COL24A1: variants seen among roughly 807,000 people sequenced by gnomAD.
COL24A1 encodes collagen alpha-1(XXIV) chain.
A neutral mutation model predicts 253.9 loss-of-function variants in COL24A1; 224 were observed. The observed-to-expected ratio is 0.88, with a 90% CI of 0.79 to 0.99. The LOEUF (loss-of-function observed/expected upper bound fraction) is 0.99, where lower values mean the gene tolerates loss of function less well. Ranked by LOEUF, COL24A1 falls within the 50% of genes least tolerant of loss-of-function variation. The pLI, the probability that COL24A1 is intolerant of heterozygous loss-of-function variation, is 0.00. For missense variants in COL24A1, 2,131 were observed against 2,068.5 expected (o/e 1.03, Z -0.59); for synonymous variants, 685 against 673.7 (o/e 1.02, Z -0.26).
At chr1:86,069,046 C>A (rs977043576) in intron 7 of COL24A1, among the ~76,000 whole-genome samples, 6 of 152,134 alleles carry the variant, frequency 3.9e-5, no homozygotes, top group African/African-American at 1.4e-4. Flanking sequence ...TACATTCCAG[C>A]TGTGGTGGTC....
At chr1:85,775,277 T>G (rs1668422088) in intron 53 of COL24A1, among the ~76,000 whole-genome samples, 1 of 152,030 alleles carries the variant, frequency 6.6e-6, no homozygotes, top group Non-Finnish European at 1.5e-5. Context: ...TGCTGAGGAG[T>G]GTTTCACTTC....
At position 86,096,876 on chromosome 1, in the gene COL24A1, A is replaced by C. The variant is rs545906834; in HGVS notation, c.1600-4556T>G. Among the ~76,000 whole-genome samples the C allele has an allele frequency of 2.0e-5, 3 of 152,094 alleles. No individual in the cohort carries two copies. In the South Asian group the frequency reaches 6.2e-4, roughly 32 times the overall value. On this transcript the variant is annotated intron_variant, in intron 5 of 59. Coordinates refer to ENST00000370571, the MANE Select transcript of COL24A1 (RefSeq NM_152890.7). The stretch of plus-strand genomic sequence containing the variant: ...TCCCATTTTTATAGATGATTATTTC[A>C]TAACTCCTTCTCTTTCTTTCCTCTT...
At chr1:85,896,452 C>CG (rs773904658) in intron 28 of COL24A1, 43 bp from the exon 29 acceptor site, 31 of 1,486,012 alleles carry the variant, frequency 2.1e-5, no homozygotes, top group Non-Finnish European at 2.8e-5. Flanking sequence ...TGAAATGTTC[C>CG]TTTTTTTTTC....
At chr1:85,816,674 C>A (rs1673072207) in intron 47 of COL24A1, 114 bp downstream of exon 47, 2 of 803,048 alleles carry the variant, frequency 2.5e-6, no homozygotes, top group Non-Finnish European at 4.3e-6. Flanking sequence ...GAGAAATGAA[C>A]TGGCTTAATC....
At chr1:86,118,378 A>C (rs1371960066) in intron 3 of COL24A1, among the ~76,000 whole-genome samples, 1 of 152,142 alleles carries the variant, frequency 6.6e-6, no homozygotes, top group Non-Finnish European at 1.5e-5. Flanking sequence ...AACTTTTTTA[A>C]GGTATGCATA....
chr1:86,028,617 T>G (rs1698265213), intron 14 of COL24A1, among the ~76,000 whole-genome samples: 1 of 152,234 alleles, frequency 6.6e-6, no homozygotes, highest in South Asian at 2.1e-4. Context: ...CCTTTATAAA[T>G]TACGCAGTCT....
At chr1:85,933,105 AG>A (rs1558708569) in intron 24 of COL24A1, among the ~76,000 whole-genome samples, 2,243 of 88,298 alleles carry the variant, frequency 0.025, 55 homozygotes, top group African/African-American at 0.073. Flanking sequence ...AAAAAAAGAA[AG>A]AAAGAAAAAA....
intron 3 of COL24A1, among the ~76,000 whole-genome samples, chr1:86,119,203 T>C (rs11161742): frequency 0.14 from 21,623 of 151,992 alleles, 1,722 homozygotes; most frequent in South Asian, 0.24. Flanking sequence ...AACGAAAGGA[T>C]CATAACCACA....
At position 85,907,239 on chromosome 1, in the gene COL24A1, C is replaced by CA; in HGVS notation, c.2732dup (p.Ala913GlyfsTer11). On this transcript the variant is annotated frameshift_variant, in exon 28 of 60. Transcript: ENST00000370571. LOFTEE classifies it high-confidence loss of function. ...GACTCCCAGGTGGTCCTCTTGCCCCCACATGACCCTATATGTTGTAAATTT... is the reference window on the plus strand; with the variant it reads ...GACTCCCAGGTGGTCCTCTTGCCCCCAACATGACCCTATATGTTGTAAATTT... 6.2e-7 allele frequency: 1 copy of CA among 1,610,840 alleles called. No individual in the cohort carries two copies. Among genetic ancestry groups the CA allele is most frequent in the Non-Finnish European group, 8.5e-7 (1 of 1,177,696 alleles).
chr1:86,043,914 T>A (rs570129233), intron 12 of COL24A1, among the ~76,000 whole-genome samples: 1 of 152,318 alleles, frequency 6.6e-6, no homozygotes, highest in South Asian at 2.1e-4. Flanking sequence ...ACTGGCACGT[T>A]CAGATTTCAG....
At chr1:86,050,722 TA>T (rs1700239225) in intron 10 of COL24A1, among the ~76,000 whole-genome samples, 1 of 152,150 alleles carries the variant, frequency 6.6e-6, no homozygotes, top group African/African-American at 2.4e-5. Flanking sequence ...TTATACATAA[TA>T]TACTTTGTGT....
At position 85,767,687 on chromosome 1, in the gene COL24A1, C is replaced by T. The variant is rs577716341; in HGVS notation, c.4375-6121G>A. Among the ~76,000 whole-genome samples the T allele has an allele frequency of 4.6e-5, 7 of 151,976 alleles. No individual in the cohort carries two copies. The South Asian group carries it at 1.5e-3, about 32-fold the overall frequency. The stretch of plus-strand genomic sequence containing the variant: ...CATATTTAGTTGCCTACTCTAAATG[C>T]CACTGTGCCTATTTCCCATCTCCCT... On this transcript the variant is annotated intron_variant, in intron 53 of 59. Transcript: ENST00000370571.
chr1:85,803,445 AC>A (rs1244292361), intron 47 of COL24A1, among the ~76,000 whole-genome samples: 8 of 142,898 alleles, frequency 5.6e-5, no homozygotes, highest in Non-Finnish European at 1.1e-4. Context: ...AAAAAAAAAA[AC>A]CATAAACAAA....
intron 37 of COL24A1, among the ~76,000 whole-genome samples, chr1:85,858,574 C>T (rs1429896629): frequency 6.6e-6 from 1 of 151,046 alleles, no homozygotes; most frequent in Non-Finnish European, 1.5e-5. Flanking sequence ...AACCCCTTTA[C>T]CTGGTCACTC....
intron 20 of COL24A1, among the ~76,000 whole-genome samples, chr1:85,985,054 A>G (rs538330528): frequency 3.9e-5 from 6 of 152,050 alleles, no homozygotes; most frequent in Non-Finnish European, 7.4e-5. Context: ...TATAAAATCA[A>G]TTAATCTTTC....
chr1:85,924,465 A>G (rs371213943), intron 24 of COL24A1, among the ~76,000 whole-genome samples: 1 of 152,344 alleles, frequency 6.6e-6, no homozygotes, highest in African/African-American at 2.4e-5. Flanking sequence ...CAAAAAGCTT[A>G]TCCACCATTA....
chr1:86,045,658 AG>A (rs993917296), intron 12 of COL24A1, among the ~76,000 whole-genome samples: 4 of 152,220 alleles, frequency 2.6e-5, no homozygotes, highest in Non-Finnish European at 4.4e-5. Flanking sequence ...GAACTTAAAA[AG>A]GGTGATAATA....
rs1571293223 is a variant in COL24A1, at chr1:85,937,561, C to G, written c.2562+23688G>C. Among the ~76,000 whole-genome samples the G allele has an allele frequency of 1.4e-5, 2 of 147,570 alleles. 1 individual carries two copies. The highest frequency in any genetic ancestry group is 4.3e-4 in the East Asian group (2 of 4,690). On this transcript the variant is annotated intron_variant, in intron 24 of 59. Transcript: ENST00000370571. ...ACTCAGAAAGCTGACATCAGCAAGC[C>G]TTGATCATCAGTCACTTCAGTGCTG... is the stretch of plus-strand genomic sequence containing the variant.
At chr1:85,908,778 ACC>A (rs1685089785) in intron 26 of COL24A1, 127 bp from the exon 27 acceptor site, 2 of 436,534 alleles carry the variant, frequency 4.6e-6, no homozygotes, top group Admixed American at 4.3e-5. Context: ...TTCTTTTGTA[ACC>A]AAGATATGAA....
Sources: allele counts gnomAD v4.1 joint callset (sites outside exome capture counted in the v4.1 genomes callset), GRCh38; gene constraint gnomAD v4.1.1; transcripts MANE v1.5; gene names NCBI Gene and HGNC (gene_info 2026-07-23, HGNC 2026-07-21).